The following RANBP2 variants were observed in gnomAD, a reference collection of about 807,000 sequenced individuals.
RANBP2 encodes the protein E3 SUMO-protein ligase RanBP2.
A neutral mutation model predicts 303.6 loss-of-function variants in RANBP2; 57 were observed. That is an observed-to-expected ratio of 0.19 (90% CI 0.15 to 0.23). The LOEUF is 0.23. RANBP2 is among the 10% of genes least tolerant of loss of function. RANBP2 has a pLI of 1.00. For synonymous variants in RANBP2, 1,167 were observed against 1,301.5 expected (o/e 0.90, Z 2.23); for missense variants, 3,138 against 3,780.8 (o/e 0.83, Z 4.46).
chr2:109,761,375 C>T, the RANBP2 span, among the ~76,000 whole-genome samples: 1 of 151,092 alleles, frequency 6.6e-6, no homozygotes, highest in Admixed American at 6.6e-5. Context: ...CTCCTTTCCT[C>T]GGGGTTCACA....
the RANBP2 span, among the ~76,000 whole-genome samples, chr2:109,217,605 C>T: frequency 6.6e-6 from 1 of 152,352 alleles, no homozygotes; most frequent in African/African-American, 2.4e-5. Context: ...GTGTTATAAA[C>T]AGAATCAGTC....
At position 108,763,542 on chromosome 2, in the gene RANBP2, T is replaced by C; in HGVS notation, c.3003T>C (p.Phe1001=). The part of the protein sequence containing the change: ...SRSAESKTIE[F]GKTNFVQPMP... The stretch of plus-strand genomic sequence containing the variant: ...CTGCAGAATCTAAGACTATAGAATT[T>C]GGGAAAACTAATTTTGTTCAGCCCA... Residue 1001 remains phenylalanine (F), a synonymous_variant, in exon 20 of 29, where the codon TTT becomes TTC. Transcript: ENST00000283195. 1 of 1,614,106 alleles carries C rather than the reference T, an allele frequency of 6.2e-7. No individual in the cohort carries two copies. The highest frequency in any genetic ancestry group is 1.1e-5 in the South Asian group (1 of 91,086).
At chr2:109,010,549 G>T in the RANBP2 span, among the ~76,000 whole-genome samples, 1 of 152,138 alleles carries the variant, frequency 6.6e-6, no homozygotes, top group Non-Finnish European at 1.5e-5. Context: ...TCAGTTCCCG[G>T]TGAGGCTTGC....
the RANBP2 span, among the ~76,000 whole-genome samples, chr2:108,899,721 C>T: frequency 6.6e-6 from 1 of 152,168 alleles, no homozygotes; most frequent in Non-Finnish European, 1.5e-5. Flanking sequence ...CACGGTGGCT[C>T]ACACCTATAA....
chr2:109,562,371 C>T, the RANBP2 span, among the ~76,000 whole-genome samples: 1 of 151,784 alleles, frequency 6.6e-6, no homozygotes, highest in Non-Finnish European at 1.5e-5. Context: ...CTTCCACCTG[C>T]CCCCCTCCCC....
chr2:109,153,736 G>C, the RANBP2 span, among the ~76,000 whole-genome samples: 1 of 152,188 alleles, frequency 6.6e-6, no homozygotes, highest in African/African-American at 2.4e-5. Context: ...GTTTTGTGCT[G>C]AGCTGGGTTC....
the RANBP2 span, among the ~76,000 whole-genome samples, chr2:109,572,025 A>G: frequency 4.6e-5 from 7 of 152,260 alleles, no homozygotes; most frequent in Non-Finnish European, 8.8e-5. Flanking sequence ...CACAACAGTA[A>G]CAGAGGTGCT....
At chr2:109,472,290 G>A in the RANBP2 span, among the ~76,000 whole-genome samples, 1 of 151,984 alleles carries the variant, frequency 6.6e-6, no homozygotes, top group Non-Finnish European at 1.5e-5. Context: ...GACGGTGGCA[G>A]GAGAGGACCC....
chr2:109,186,664 G>A, the RANBP2 span, among the ~76,000 whole-genome samples: 8 of 152,188 alleles, frequency 5.3e-5, no homozygotes, highest in Admixed American at 3.3e-4. Context: ...GGAAGACCCT[G>A]CGGGAAATGC....
At chr2:109,249,467 C>CCCTTTCTTTCTTTCTTTCTT in the RANBP2 span, among the ~76,000 whole-genome samples, 1 of 99,290 alleles carries the variant, frequency 1.0e-5, no homozygotes, top group African/African-American at 4.0e-5. Flanking sequence ...TTCTCTCTTT[C>CCCTTTCTTTCTTTCTTTCTT]TCTTTCTTTC....
At chr2:109,447,653 A>G in the RANBP2 span, among the ~76,000 whole-genome samples, 1 of 152,144 alleles carries the variant, frequency 6.6e-6, no homozygotes, top group Non-Finnish European at 1.5e-5. Flanking sequence ...GACACAAGTC[A>G]CCATTCCCCT....
the RANBP2 span, chr2:109,449,217 T>C: frequency 6.2e-7 from 1 of 1,613,432 alleles, no homozygotes; most frequent in African/African-American, 1.3e-5. Context: ...TGCCACCGTG[T>C]CACCCCTGCG....
the RANBP2 span, among the ~76,000 whole-genome samples, chr2:109,580,229 T>C: frequency 2.0e-5 from 3 of 151,594 alleles, no homozygotes; most frequent in Non-Finnish European, 4.4e-5. Context: ...AAGAACACTA[T>C]ATTATGATCT....
Position 108,749,103 on chromosome 2 carries a change from T to C in RANBP2, c.1247T>C (p.Leu416Pro). The C allele has an allele frequency of 6.2e-7, 1 of 1,612,000 alleles. No individual in the cohort carries two copies. Among genetic ancestry groups the C allele is most frequent in the Non-Finnish European group, 8.5e-7 (1 of 1,179,860 alleles). Reference sequence around the variant, plus strand: ...AACATTGATGTACGAGAACCAGAGCTTGAAGATTTGACTAGATACGATGTT... The same window carrying C: ...AACATTGATGTACGAGAACCAGAGCCTGAAGATTTGACTAGATACGATGTT... ...IGNIDVREPE[L>P]EDLTRYDVGA... The change falls in exon 9 of 29, where the codon CTT becomes CCT. Residue 416 changes from leucine (L) to proline (P), a missense_variant. By Grantham distance (98) the Leu-to-Pro change is moderately conservative. Transcript: ENST00000283195.
chr2:109,227,124 A>C, the RANBP2 span, among the ~76,000 whole-genome samples: 1 of 152,124 alleles, frequency 6.6e-6, no homozygotes, highest in Admixed American at 6.6e-5. Context: ...AGAACTCACG[A>C]GATTCACTCC....
the RANBP2 span, chr2:109,251,737 A>G: frequency 9.1e-6 from 6 of 659,186 alleles, no homozygotes; most frequent in Non-Finnish European, 1.3e-5. Context: ...GTACATTTTC[A>G]TATTAGACTT....
chr2:109,134,554 C>T, the RANBP2 span, among the ~76,000 whole-genome samples: 6 of 152,266 alleles, frequency 3.9e-5, no homozygotes, highest in African/African-American at 1.4e-4. Context: ...AAGGGTTGAG[C>T]GGTGTTTTAA....
At chr2:109,011,856 G>A in the RANBP2 span, among the ~76,000 whole-genome samples, 1 of 152,190 alleles carries the variant, frequency 6.6e-6, no homozygotes, top group East Asian at 1.9e-4. Flanking sequence ...TAGTGAGTGT[G>A]CATGTATATG....
Position 108,784,137 on chromosome 2 carries a change from A to T in RANBP2, c.*236A>T. On this transcript the variant is annotated 3_prime_UTR_variant, in exon 29 of 29. Coordinates refer to ENST00000283195, the MANE Select transcript of RANBP2 (RefSeq NM_006267.5). Reference sequence around the variant, plus strand: ...GTGTACTTGTGTTTATGTACTCCTGACGTATTAAAATGGAATAATACTAAT... The same window carrying T: ...GTGTACTTGTGTTTATGTACTCCTGTCGTATTAAAATGGAATAATACTAAT... The T allele has an allele frequency of 2.1e-6, 1 of 480,402 alleles. No individual in the cohort carries two copies. Among genetic ancestry groups the T allele is most frequent in the Non-Finnish European group, 3.7e-6 (1 of 267,950 alleles). The allele number at this position is 480,402 out of a possible 1,614,324, so 29.8% of individuals were successfully genotyped here.
Sources: gnomAD v4.1 joint callset for allele counts (sites outside exome capture counted in the v4.1 genomes callset) on GRCh38, gnomAD v4.1.1 for gene constraint, MANE v1.5 for transcripts, NCBI Gene and HGNC (gene_info 2026-07-23, HGNC 2026-07-21) for gene names.